The following DISP1 variants were observed in gnomAD, a reference collection of about 807,000 sequenced individuals.
DISP1 encodes the protein protein dispatched homolog 1.
A neutral mutation model predicts 37.3 loss-of-function variants in DISP1; 30 were observed. The ratio of observed to expected loss-of-function variants is 0.80; its 90% CI spans 0.60 to 1.09. The LOEUF (loss-of-function observed/expected upper bound fraction) is 1.09, where lower values mean the gene tolerates loss of function less well. DISP1 is among the 50% of genes least tolerant of loss of function. The pLI, the probability that DISP1 is intolerant of heterozygous loss-of-function variation, is 0.00. For missense variants in DISP1, 1,598 were observed against 1,879.5 expected, an observed-to-expected ratio of 0.85 and a Z score of 2.77; for synonymous variants, 634 against 690.2, an observed-to-expected ratio of 0.92 and a Z score of 1.28.
At chr1:222,984,170 A>G (rs1268128735) in intron 4 of DISP1, among the ~76,000 whole-genome samples, 1 of 151,842 alleles carries the variant, frequency 6.6e-6, no homozygotes, top group Non-Finnish European at 1.5e-5. Context: ...CTTTGGGAGG[A>G]TGAGGCAGGC....
chr1:222,982,169 C>T (rs1558067776), intron 3 of DISP1, among the ~76,000 whole-genome samples: 3 of 152,186 alleles, frequency 2.0e-5, no homozygotes, highest in Non-Finnish European at 4.4e-5. Context: ...ATGTGGCTTA[C>T]TAAAAGCCGT....
chr1:222,947,530 C>T, intron 3 of DISP1, among the ~76,000 whole-genome samples: 1 of 152,066 alleles, frequency 6.6e-6, no homozygotes, highest in East Asian at 1.9e-4. Context: ...GGGTTCTGTT[C>T]AAGTCCCTGC....
chr1:222,937,395 C>G (rs2125477674), intron 2 of DISP1, among the ~76,000 whole-genome samples: 2 of 152,010 alleles, frequency 1.3e-5, no homozygotes, highest in East Asian at 1.9e-4. Context: ...CTGCCCCTCT[C>G]TATACTTCAA....
In DISP1 at chr1:222,953,597, C is replaced by T. The variant is rs1675386743; in HGVS notation, c.509+10265C>T. 2.0e-5 allele frequency among the ~76,000 whole-genome samples: 3 copies of T among 152,116 alleles called. 1 individual carries two copies. The highest frequency in any genetic ancestry group is 2.4e-5 in the African/African-American group (1 of 41,410). On this transcript the variant is annotated intron_variant, in intron 3 of 8. Transcript: ENST00000675850. ...CATAAATCTGATTATGATATTTGATCTTAGAAGAAGTCTGGTAAGATTTAA... is the reference window on the plus strand; with the variant it reads ...CATAAATCTGATTATGATATTTGATTTTAGAAGAAGTCTGGTAAGATTTAA...
chr1:222,833,332 AC>A (rs1666233283), intron 1 of DISP1, among the ~76,000 whole-genome samples: 1 of 152,206 alleles, frequency 6.6e-6, no homozygotes, highest in Admixed American at 6.5e-5. Context: ...GTTCTTCCGT[AC>A]ACCCTACTTT....
chr1:222,938,944 T>C (rs960569433), intron 2 of DISP1, among the ~76,000 whole-genome samples: 4 of 151,552 alleles, frequency 2.6e-5, no homozygotes, highest in African/African-American at 4.8e-5. Context: ...TCATAAAATA[T>C]TTTTTCTGTT....
rs551849256 is a variant in DISP1, at chr1:222,865,435, A to T, written c.-159+50357A>T. Reference sequence around the variant, plus strand: ...ATTTAAGTTGTCCCCTCCCATACTTATAAGAGGGAGTGGGTCTTTTTAAAT... The same window carrying T: ...ATTTAAGTTGTCCCCTCCCATACTTTTAAGAGGGAGTGGGTCTTTTTAAAT... On this transcript the variant is annotated intron_variant, in intron 1 of 8. Transcript: ENST00000675850. Among the ~76,000 whole-genome samples the T allele has an allele frequency of 1.2e-4, 18 of 152,286 alleles. No individual in the cohort carries two copies. In the South Asian group the frequency reaches 3.1e-3, roughly 26 times the overall value.
At chr1:222,937,952 C>T (rs186299615) in intron 2 of DISP1, among the ~76,000 whole-genome samples, 10 of 152,230 alleles carry the variant, frequency 6.6e-5, no homozygotes, top group Admixed American at 4.6e-4. Flanking sequence ...AAGCTCACCA[C>T]AACCTCCGTC....
chr1:222,879,665 G>T (rs1670166789), intron 1 of DISP1, among the ~76,000 whole-genome samples: 1 of 152,052 alleles, frequency 6.6e-6, no homozygotes, highest in African/African-American at 2.4e-5. Context: ...GGTGAAGAAA[G>T]ATAAAGTTAA....
chr1:222,988,780 A>G (rs777273487), intron 4 of DISP1, among the ~76,000 whole-genome samples: 1 of 151,456 alleles, frequency 6.6e-6, no homozygotes, highest in Non-Finnish European at 1.5e-5. Flanking sequence ...CAGCCTCCCA[A>G]GTAGCTGGGA....
intron 3 of DISP1, among the ~76,000 whole-genome samples, chr1:222,964,264 A>T (rs545481488): frequency 6.8e-6 from 1 of 148,090 alleles, no homozygotes; most frequent in Admixed American, 6.9e-5. Context: ...GCACCACTGC[A>T]CTCCAGCCTG....
Position 222,872,432 on chromosome 1 carries a change from G to C in DISP1, c.-158-55998G>C, listed in dbSNP as rs570675964. 5.9e-5 allele frequency: 9 copies of C among 152,132 alleles called. No homozygotes were observed. In the South Asian group the frequency reaches 1.9e-3, roughly 32 times the overall value. 9.4% of individuals were successfully genotyped at this position (152,132 alleles called of 1,614,324 possible). ...ATCTGGTCCTGGACTTTTTTTGGTT[G>C]GTAAGCTATTAATTATTGCCTCAAT... On this transcript the variant is annotated intron_variant, in intron 1 of 8. Transcript: ENST00000675850.
chr1:222,921,856 A>T (rs770961801), intron 1 of DISP1, among the ~76,000 whole-genome samples: 4 of 152,182 alleles, frequency 2.6e-5, no homozygotes, highest in South Asian at 2.1e-4. Context: ...GCCTTTACAT[A>T]TAGATTAAGA....
chr1:222,890,442 G>A (rs1183837275), intron 1 of DISP1, among the ~76,000 whole-genome samples: 5 of 152,120 alleles, frequency 3.3e-5, no homozygotes, highest in East Asian at 1.9e-4. Context: ...GACTAGTAGA[G>A]GAGATAATTT....
At chr1:222,919,643 T>G (rs1672702554) in intron 1 of DISP1, among the ~76,000 whole-genome samples, 1 of 152,234 alleles carries the variant, frequency 6.6e-6, no homozygotes, top group Non-Finnish European at 1.5e-5. Context: ...AGCATTTTAT[T>G]TCATATAAAC....
chr1:222,818,153 G>A (rs561530351), intron 1 of DISP1, among the ~76,000 whole-genome samples: 54 of 152,176 alleles, frequency 3.5e-4, no homozygotes, highest in African/African-American at 1.3e-3. Context: ...TGCATGGGGG[G>A]GTGGGGGAAG....
chr1:222,826,561 T>C (rs1473414407), intron 1 of DISP1, among the ~76,000 whole-genome samples: 1 of 151,716 alleles, frequency 6.6e-6, no homozygotes, highest in Non-Finnish European at 1.5e-5. Context: ...TTTTGTTTTT[T>C]AACTTCTTAC....
intron 1 of DISP1, among the ~76,000 whole-genome samples, chr1:222,864,777 A>C (rs1295738025): frequency 6.6e-6 from 1 of 152,186 alleles, no homozygotes; most frequent in Non-Finnish European, 1.5e-5. Flanking sequence ...GCTGCCAGGC[A>C]AAAAGAATTT....
intron 1 of DISP1, among the ~76,000 whole-genome samples, chr1:222,860,800 G>A (rs902041162): frequency 6.6e-6 from 1 of 151,918 alleles, no homozygotes; most frequent in African/African-American, 2.4e-5. Context: ...CAGGAGAATC[G>A]CTTCAGAGAT....
Sources: allele counts gnomAD v4.1 joint callset (sites outside exome capture counted in the v4.1 genomes callset), GRCh38; gene constraint gnomAD v4.1.1; transcripts MANE v1.5; gene names NCBI Gene and HGNC (gene_info 2026-07-23, HGNC 2026-07-21).